Variants in IL5RA observed in about 807,000 individuals in gnomAD.
IL5RA encodes the protein interleukin 5 receptor subunit alpha.
In IL5RA, 49 loss-of-function variants were observed where a neutral mutation model predicts 50.0. The ratio of observed to expected loss-of-function variants is 0.98; its 90% CI spans 0.78 to 1.24. IL5RA has a LOEUF of 1.24. Among genes scored for constraint, IL5RA ranks in the 50% most tolerant of loss-of-function variants. The pLI is 0.00. For synonymous variants in IL5RA, 202 were observed against 174.0 expected (o/e 1.16, Z -1.26); for missense variants, 600 against 500.4 (o/e 1.20, Z -1.90).
chr3:3,106,451 C>A (rs1314953730), intron 2 of IL5RA, among the ~76,000 whole-genome samples: 1 of 152,052 alleles, frequency 6.6e-6, no homozygotes, highest in East Asian at 1.9e-4. Flanking sequence ...ATAAATCACT[C>A]AATTCCTTGT....
Position 3,092,049 on chromosome 3 carries a change from A to G in IL5RA, c.994+175T>C, listed in dbSNP as rs1703138127. The G allele has an allele frequency of 7.3e-7, 1 of 1,373,428 alleles. No homozygotes were observed. Among genetic ancestry groups the G allele is most frequent in the African/African-American group, 1.5e-5 (1 of 68,108 alleles). The allele number at this position is 1,373,428 out of a possible 1,614,324, so 85.1% of individuals were successfully genotyped here. On this transcript the variant is annotated intron_variant, in intron 9 of 11. Coordinates refer to ENST00000446632, the MANE Select transcript of IL5RA (RefSeq NM_175726.4). This position sits in a 1 kb window ranked among gnomAD's most constrained non-coding sequence, Gnocchi z 4.2. ...AGAAGCCTAGACACTTAAAAACTTCACTGGCTTCATGGCAAATCTATTCCT... is the reference window on the plus strand; with the variant it reads ...AGAAGCCTAGACACTTAAAAACTTCGCTGGCTTCATGGCAAATCTATTCCT...
Position 3,104,914 on chromosome 3 carries a change from G to T in IL5RA, c.71C>A (p.Pro24His). ...ATEILQADLL[P>H]DEKISLLPPV... ...TAGAAGGTCCTTACTCTTTTCATCAGGAAGTAAGTCAGCTTGCAGTATCTC... is the reference window on the plus strand; with the variant it reads ...TAGAAGGTCCTTACTCTTTTCATCATGAAGTAAGTCAGCTTGCAGTATCTC... The change falls in exon 3 of 12, where the codon CCT becomes CAT. Residue 24 changes from proline to histidine, a missense_variant. Coordinates refer to ENST00000446632, the MANE Select transcript of IL5RA (RefSeq NM_175726.4). The T allele has an allele frequency of 6.2e-7, 1 of 1,603,380 alleles. No individual in the cohort carries two copies.
In IL5RA at chr3:3,098,272, A is replaced by G. The variant is rs760688252; in HGVS notation, c.386T>C (p.Ile129Thr). The change falls in exon 6 of 12, where the codon ATT becomes ACT. Residue 129 changes from isoleucine (I) to threonine (T), a missense_variant. By Grantham distance (89) the Ile-to-Thr change is moderately conservative. Transcript: ENST00000446632. ...HAPPGSPGTS[I>T]VNLTCTTNTT... is the part of the protein sequence containing the mutation. ...GTTTGTGGTGCAAGTTAAATTCACA[A>G]TTGAGGTTCCAGGAGACCCTAGGTA... 9.3e-6 allele frequency: 15 copies of G among 1,613,966 alleles called. No individual in the cohort carries two copies. Among genetic ancestry groups the G allele is most frequent in the Non-Finnish European group, 1.1e-5 (13 of 1,179,924 alleles).
intron 11 of IL5RA, chr3:3,073,885 C>A: frequency 2.4e-6 from 1 of 419,438 alleles, no homozygotes. Context: ...CACAAATGGT[C>A]TCGTGGTTTA....
chr3:3,072,928 A>G (rs1484775330), intron 11 of IL5RA, among the ~76,000 whole-genome samples: 1 of 152,090 alleles, frequency 6.6e-6, no homozygotes, highest in African/African-American at 2.4e-5. Context: ...ACAAAACCAG[A>G]TGTGGTTACT....
chr3:3,104,092 G>T (rs1384546456), intron 3 of IL5RA, among the ~76,000 whole-genome samples: 1 of 152,204 alleles, frequency 6.6e-6, no homozygotes, highest in Non-Finnish European at 1.5e-5. Context: ...AGGCTGGAGG[G>T]CAGTGTTGTG....
chr3:3,070,573 A>ATATTTT (rs1559858173), intron 11 of IL5RA, among the ~76,000 whole-genome samples: 1 of 106,232 alleles, frequency 9.4e-6, no homozygotes, highest in African/African-American at 4.2e-5. Flanking sequence ...ATGGATACAC[A>ATATTTT]TCTTTTTTTT....
In IL5RA at chr3:3,102,691, G is replaced by T; in HGVS notation, c.212C>A (p.Ala71Asp). The T allele has an allele frequency of 6.3e-7, 1 of 1,596,004 alleles. No individual in the cohort carries two copies. Among genetic ancestry groups the T allele is most frequent in the Non-Finnish European group, 8.6e-7 (1 of 1,168,870 alleles). ...AACACTTACGTCATCTTCTTTTGGA[G>T]CGTTTATTTTCACTTGATATTCTAG... ...VNLEYQVKIN[A>D]PKEDDYETRI... The change falls in exon 4 of 12, where the codon GCT (alanine) becomes GAT (aspartate). Residue 71 changes from alanine (A) to aspartate (D), a missense_variant. Ala to Asp is a moderately radical substitution (Grantham distance 126). Coordinates refer to ENST00000446632, the MANE Select transcript of IL5RA (RefSeq NM_175726.4).
At chr3:3,108,365 C>G (rs1420797421) in intron 2 of IL5RA, among the ~76,000 whole-genome samples, 185 bp downstream of exon 2, 1 of 152,178 alleles carries the variant, frequency 6.6e-6, no homozygotes, top group Non-Finnish European at 1.5e-5. Context: ...AAATAGAACT[C>G]ATGAGTTCAG....
chr3:3,082,517 G>A (rs900108166), intron 9 of IL5RA, among the ~76,000 whole-genome samples: 21 of 152,330 alleles, frequency 1.4e-4, no homozygotes, highest in Non-Finnish European at 2.2e-4. Flanking sequence ...TAAAGCATTT[G>A]GGAAATTCAG....
rs367660846 is a variant in IL5RA, at chr3:3,071,578, TGTGTGTGTGTGTGTGTGTA to T, written c.1177-1286_1177-1268del. ...GTGTGTGTGTGTGTGTGTGTGTGTGTGTGTGTGTGTGTGTGTGTATTTTTTTTTTTTGGCAAGTTCTGGC... is the reference window on the plus strand; with the variant it reads ...GTGTGTGTGTGTGTGTGTGTGTGTGTTTTTTTTTTTTTGGCAAGTTCTGGC... On this transcript the variant is annotated intron_variant, in intron 11 of 11. Transcript: ENST00000446632. Among the ~76,000 whole-genome samples, 511 of 147,358 alleles carry T rather than the reference TGTGTGTGTGTGTGTGTGTA, an allele frequency of 3.5e-3. 7 individuals carry two copies. The East Asian group carries it at 0.05, about 14-fold the overall frequency.
chr3:3,082,830 A>G (rs1334519379), intron 9 of IL5RA, among the ~76,000 whole-genome samples: 1 of 152,166 alleles, frequency 6.6e-6, no homozygotes, highest in East Asian at 1.9e-4. Context: ...CTCTTAGGAG[A>G]TGAATTTGAT....
intron 11 of IL5RA, chr3:3,073,679 G>C (rs941909575): frequency 2.8e-6 from 1 of 358,326 alleles, no homozygotes; most frequent in African/African-American, 2.2e-5. Context: ...TAAATGGAGT[G>C]ATATGCTATG....
chr3:3,104,951 A>G lies in IL5RA; in HGVS notation c.34T>C (p.Leu12=). 6.2e-7 allele frequency: 1 copy of G among 1,613,326 alleles called. No homozygotes were observed. Among genetic ancestry groups the G allele is most frequent in the Non-Finnish European group, 8.5e-7 (1 of 1,179,362 alleles). The change falls in exon 3 of 12, where the codon TTG becomes CTG. Residue 12 remains leucine, a synonymous_variant. Transcript: ENST00000446632. ...IIVAHVLLIL[L]GATEILQADL... ...GCTTGCAGTATCTCAGTGGCCCCCA[A>G]AAGGATGAGTAATACATGCGCCACG...
rs1446266670 is a variant in IL5RA, at chr3:3,069,945, A to T, written c.*280T>A. ...CTGAGGTGAGTCAAGCAAATTGCAAAGATTGGCAGGTGAGGAGGTGCTACC... is the reference window on the plus strand; with the variant it reads ...CTGAGGTGAGTCAAGCAAATTGCAATGATTGGCAGGTGAGGAGGTGCTACC... On this transcript the variant is annotated 3_prime_UTR_variant, in exon 12 of 12. Coordinates refer to ENST00000446632, the MANE Select transcript of IL5RA (RefSeq NM_175726.4). The T allele has an allele frequency of 3.6e-5, 10 of 278,160 alleles. No homozygotes were observed. 17.2% of individuals were successfully genotyped at this position (278,160 alleles called of 1,614,324 possible). A position where few individuals can be genotyped will look rare whatever the true frequency, so the allele number is the denominator to read the frequency against.
At position 3,068,960 on chromosome 3, in the gene IL5RA, G is replaced by T. The variant is rs1417094777; in HGVS notation, c.*1265C>A. The T allele has an allele frequency of 1.3e-5, 2 of 152,176 alleles. No homozygotes were observed. Among genetic ancestry groups the T allele is most frequent in the African/African-American group, 4.8e-5 (2 of 41,446 alleles). The allele number at this position is 152,176 out of a possible 1,614,324, so 9.4% of individuals were successfully genotyped here. A position where few individuals can be genotyped will look rare whatever the true frequency, so the allele number is the denominator to read the frequency against. On this transcript the variant is annotated 3_prime_UTR_variant, in exon 12 of 12. Transcript: ENST00000446632. ...TGCTAGTTACAGTGGATAATTACAG[G>T]TTAGTTAAGAAAACAAACAAACCTG...
rs1702238161 is a variant in IL5RA, at chr3:3,069,816, T to C, written c.*409A>G. 6.1e-6 allele frequency: 1 copy of C among 164,636 alleles called. No individual in the cohort carries two copies. Among genetic ancestry groups the C allele is most frequent in the African/African-American group, 2.4e-5 (1 of 41,890 alleles). The allele number at this position is 164,636 out of a possible 1,614,324, so 10.2% of individuals were successfully genotyped here. ...GCAAAATGCTTTCTTCCTCAGATGGTAGCTGAGTGCTACAATTGGCAGCTT... is the reference window on the plus strand; with the variant it reads ...GCAAAATGCTTTCTTCCTCAGATGGCAGCTGAGTGCTACAATTGGCAGCTT... On this transcript the variant is annotated 3_prime_UTR_variant, in exon 12 of 12. Coordinates refer to ENST00000446632, the MANE Select transcript of IL5RA (RefSeq NM_175726.4).
At chr3:3,081,527 G>A (rs1429396582) in intron 9 of IL5RA, among the ~76,000 whole-genome samples, 1 of 152,216 alleles carries the variant, frequency 6.6e-6, no homozygotes, top group Non-Finnish European at 1.5e-5. Context: ...AAGGGGCAGT[G>A]TTGTAAATAA....
rs939867088 is a variant in IL5RA at position 3,104,634 on chromosome 3, G to A, written c.82+269C>T. 9.2e-5 allele frequency among the ~76,000 whole-genome samples: 14 copies of A among 152,264 alleles called. No homozygotes were observed. The South Asian group carries it at 1.7e-3, about 18-fold the overall frequency. ...TTGTGTGAGAAGACATTCCAAATGCGACCACTGGCGCCAGCTTTATTCCAT... is the reference window on the plus strand; with the variant it reads ...TTGTGTGAGAAGACATTCCAAATGCAACCACTGGCGCCAGCTTTATTCCAT... On this transcript the variant is annotated intron_variant, in intron 3 of 11. Coordinates refer to ENST00000446632, the MANE Select transcript of IL5RA (RefSeq NM_175726.4).
Sources: allele counts gnomAD v4.1 joint callset (sites outside exome capture counted in the v4.1 genomes callset), GRCh38; gene constraint gnomAD v4.1.1; non-coding constraint Gnocchi (gnomAD v3.1); transcripts MANE v1.5; gene names NCBI Gene and HGNC (gene_info 2026-07-23, HGNC 2026-07-21).